The following PCDHA4 variants were observed in gnomAD, a reference collection of about 807,000 sequenced individuals.
The protein encoded by PCDHA4 is protocadherin alpha-4.
A neutral mutation model predicts 61.4 loss-of-function variants in PCDHA4; 49 were observed. The ratio of observed to expected loss-of-function variants is 0.80; its 90% CI spans 0.63 to 1.01. The LOEUF (loss-of-function observed/expected upper bound fraction) is 1.01, where lower values mean the gene tolerates loss of function less well. Ranked by LOEUF, PCDHA4 falls within the 50% of genes least tolerant of loss-of-function variation. The probability of loss-of-function intolerance (pLI) is 0.00; values close to 1 mark genes in which losing one functional copy is unlikely to be tolerated. For synonymous variants in PCDHA4, 590 were observed against 550.3 expected (o/e 1.07, Z -1.01); for missense variants, 1,254 against 1,235.8 (o/e 1.01, Z -0.22).
chr5:141,001,017 A>G (rs1414857051), intron 3 of PCDHA4, among the ~76,000 whole-genome samples: 2 of 152,240 alleles, frequency 1.3e-5, no homozygotes, highest in Admixed American at 1.3e-4. Flanking sequence ...TTAGATATAC[A>G]CTTATAATAA....
In PCDHA4 at chr5:140,849,449, C is replaced by T. The variant is rs200997092; in HGVS notation, c.2385+39877C>T. 81 of 1,586,124 alleles carry T rather than the reference C, an allele frequency of 5.1e-5. 9 individuals carry two copies. The highest frequency in any genetic ancestry group is 3.8e-4 in the Middle Eastern group (2 of 5,312). On this transcript the variant is annotated intron_variant, in intron 1 of 3. Coordinates refer to ENST00000530339, the MANE Select transcript of PCDHA4 (RefSeq NM_018907.4). ...TTGAAGAAAGTAGAGCACACAAGAT[C>T]CCAGTCGAGGCTGTCGATAAAGGCT...
intron 1 of PCDHA4, chr5:140,870,153 C>G (rs537593818): frequency 6.2e-7 from 1 of 1,614,088 alleles, no homozygotes; most frequent in East Asian, 2.2e-5. Flanking sequence ...CTGAAGTCGC[C>G]GTGACTTCCT....
At position 140,807,381 on chromosome 5, in the gene PCDHA4, G is replaced by A. The variant is rs148298330; in HGVS notation, c.194G>A (p.Arg65Gln). 262 of 1,603,446 alleles carry A rather than the reference G, an allele frequency of 1.6e-4. No homozygotes were observed. The African/African-American group carries it at 2.9e-3, about 18-fold the overall frequency. Reference protein sequence around the residue: ...ELAELVPRLFRVASKGRGGLL... With the variant: ...ELAELVPRLFQVASKGRGGLL... ...GCGGAGCTGGTGCCGCGCCTGTTCCGGGTGGCGTCCAAGGGCCGCGGAGGC... is the reference window on the plus strand; with the variant it reads ...GCGGAGCTGGTGCCGCGCCTGTTCCAGGTGGCGTCCAAGGGCCGCGGAGGC... Residue 65 changes from arginine (R) to glutamine (Q), a missense_variant, in exon 1 of 4, where the codon CGG becomes CAG. Physicochemically the swap from Arg to Gln is conservative, Grantham distance 43. Transcript: ENST00000530339.
chr5:140,892,144 G>T (rs549500463), intron 1 of PCDHA4, among the ~76,000 whole-genome samples: 1 of 152,102 alleles, frequency 6.6e-6, no homozygotes, highest in Non-Finnish European at 1.5e-5. Context: ...TGGTTTTAGC[G>T]TCTATTTCTG....
At chr5:140,833,483 A>G (rs1195762911) in intron 1 of PCDHA4, among the ~76,000 whole-genome samples, 2 of 152,204 alleles carry the variant, frequency 1.3e-5, no homozygotes, top group Non-Finnish European at 2.9e-5. Flanking sequence ...AAATAATACA[A>G]ATCATATTTG....
At chr5:140,855,966 TAAGAA>T in intron 1 of PCDHA4, 1 of 1,422,780 alleles carries the variant, frequency 7.0e-7, no homozygotes, top group Non-Finnish European at 9.5e-7. Context: ...AAAATAGATA[TAAGAA>T]ATAGGACAGA....
At chr5:140,998,008 T>C (rs1447849810) in intron 3 of PCDHA4, among the ~76,000 whole-genome samples, 6 of 152,128 alleles carry the variant, frequency 3.9e-5, no homozygotes, top group East Asian at 1.9e-4. Flanking sequence ...GAGCCTTCCA[T>C]CCCCACCTCG....
intron 1 of PCDHA4, among the ~76,000 whole-genome samples, chr5:140,912,892 A>T (rs1554195590): frequency 2.0e-5 from 3 of 152,210 alleles, no homozygotes. Context: ...TTCTGTTGAT[A>T]TGATGTATCA....
intron 3 of PCDHA4, among the ~76,000 whole-genome samples, chr5:140,991,358 A>G (rs1417256360): frequency 6.6e-6 from 1 of 152,234 alleles, no homozygotes; most frequent in African/African-American, 2.4e-5. Context: ...AAGACTATTT[A>G]CTGTCTGAGT....
chr5:140,830,363 GT>G, intron 1 of PCDHA4: 1 of 1,614,138 alleles, frequency 6.2e-7, no homozygotes, highest in Non-Finnish European at 8.5e-7. Context: ...GCGGCAGAGG[GT>G]GTGCTCCGGG....
chr5:140,834,978 CTT>C (rs1344020761), intron 1 of PCDHA4: 1 of 1,479,296 alleles, frequency 6.8e-7, no homozygotes, highest in Non-Finnish European at 9.1e-7. Flanking sequence ...ATTACGGAAA[CTT>C]TTAGACAGAG....
At position 140,853,027 on chromosome 5, in the gene PCDHA4, T is replaced by C. The variant is rs2150527386; in HGVS notation, c.2385+43455T>C. The C allele has an allele frequency of 3.8e-4, 97 of 255,546 alleles. 3 individuals are homozygous for C. Among genetic ancestry groups the C allele is most frequent in the Non-Finnish European group, 5.7e-4 (88 of 155,318 alleles). 15.8% of individuals were successfully genotyped at this position (255,546 alleles called of 1,614,324 possible). Reference sequence around the variant, plus strand: ...CCGAGTAGCTGGGACTACAGGCGCCTGCCACCATGCCCGCCTAATTTTTTT... The same window carrying C: ...CCGAGTAGCTGGGACTACAGGCGCCCGCCACCATGCCCGCCTAATTTTTTT... On this transcript the variant is annotated intron_variant, in intron 1 of 3. Coordinates refer to ENST00000530339, the MANE Select transcript of PCDHA4 (RefSeq NM_018907.4).
At chr5:140,870,817 G>A in intron 1 of PCDHA4, 6 of 1,613,726 alleles carry the variant, frequency 3.7e-6, no homozygotes, top group Non-Finnish European at 5.1e-6. Context: ...GGCTGGCAGC[G>A]CGGGAGGCGC....
chr5:140,871,071 G>C (rs1554165077), intron 1 of PCDHA4: 2 of 1,613,188 alleles, frequency 1.2e-6, no homozygotes, highest in East Asian at 2.2e-5. Context: ...ACGGTGAGCC[G>C]GCGCTGACGG....
intron 1 of PCDHA4, among the ~76,000 whole-genome samples, chr5:140,947,064 A>G (rs1554218040): frequency 6.6e-6 from 1 of 151,738 alleles, no homozygotes; most frequent in African/African-American, 2.4e-5. Flanking sequence ...TACACAGTGT[A>G]TATATGTATT....
intron 1 of PCDHA4, chr5:140,858,817 G>T: frequency 2.9e-6 from 1 of 345,470 alleles, no homozygotes; most frequent in African/African-American, 2.2e-5. Flanking sequence ...TGATTTGATT[G>T]TATTTGCATT....
chr5:140,870,657 G>A (rs782619046), intron 1 of PCDHA4: 1 of 1,612,514 alleles, frequency 6.2e-7, no homozygotes, highest in East Asian at 2.2e-5. Context: ...AGGTGTACGC[G>A]CTGCAGCCGT....
At chr5:140,841,819 C>G (rs781814200) in intron 1 of PCDHA4, 3 of 1,613,874 alleles carry the variant, frequency 1.9e-6, no homozygotes, top group Non-Finnish European at 2.5e-6. Flanking sequence ...GAGCTAACTC[C>G]GTGTTAACCT....
At chr5:140,853,884 T>G in intron 1 of PCDHA4, 1 of 980,606 alleles carries the variant, frequency 1.0e-6, no homozygotes, top group South Asian at 4.8e-5. Flanking sequence ...TTTCTGTAAT[T>G]TAAAAAGATG....
Sources: allele counts gnomAD v4.1 joint callset (sites outside exome capture counted in the v4.1 genomes callset), GRCh38; gene constraint gnomAD v4.1.1; transcripts MANE v1.5; gene names NCBI Gene and HGNC (gene_info 2026-07-23, HGNC 2026-07-21).